The following IL1RAPL1 variants were observed in gnomAD, a reference collection of about 807,000 sequenced individuals.
IL1RAPL1 encodes the protein interleukin 1 receptor accessory protein like 1.
IL1RAPL1 carries 3 observed loss-of-function variants against 48.4 expected under a neutral mutation model. The observed-to-expected ratio is 0.06, with a 90% CI of 0.03 to 0.16. The LOEUF (loss-of-function observed/expected upper bound fraction) is 0.16. Ranked by LOEUF, IL1RAPL1 falls within the 10% of genes least tolerant of loss-of-function variation. The probability of loss-of-function intolerance (pLI) is 1.00; values close to 1 mark genes in which losing one functional copy is unlikely to be tolerated. For missense variants in IL1RAPL1, 349 were observed against 530.6 expected (o/e 0.66, Z 3.36); for synonymous variants, 185 against 187.7 (o/e 0.99, Z 0.12).
At chrX:29,267,648 T>TA (rs750569196) in intron 2 of IL1RAPL1, among the ~76,000 whole-genome samples, 17 of 108,622 alleles carry the variant, frequency 1.6e-4, no homozygotes, top group African/African-American at 2.3e-4. Flanking sequence ...AACACTGGAA[T>TA]AAAAAAAAAA....
intron 1 of IL1RAPL1, among the ~76,000 whole-genome samples, chrX:28,623,151 C>G (rs1934302270): frequency 9.1e-6 from 1 of 110,390 alleles, no homozygotes; most frequent in South Asian, 3.9e-4. Flanking sequence ...TGGGTTGTGG[C>G]ACTTATGCTA....
intron 3 of IL1RAPL1, among the ~76,000 whole-genome samples, chrX:29,387,881 T>TA (rs912522352): frequency 9.2e-6 from 1 of 108,730 alleles, no homozygotes; most frequent in African/African-American, 3.4e-5. Flanking sequence ...TAGTCCCAGC[T>TA]ACTTGGGAGG....
intron 3 of IL1RAPL1, among the ~76,000 whole-genome samples, chrX:29,295,035 C>T (rs1446008278): frequency 9.0e-6 from 1 of 110,913 alleles, no homozygotes; most frequent in African/African-American, 3.3e-5. Flanking sequence ...GGAGTGTTTA[C>T]AATAAATGAG....
intron 9 of IL1RAPL1, among the ~76,000 whole-genome samples, chrX:29,950,510 G>A (rs915854969): frequency 9.0e-6 from 1 of 110,872 alleles, no homozygotes; most frequent in Non-Finnish European, 1.9e-5. Flanking sequence ...ATCAGCAGCA[G>A]CATCTCTTGA....
At chrX:29,666,372 T>C (rs1317732682) in intron 5 of IL1RAPL1, among the ~76,000 whole-genome samples, 1 of 110,610 alleles carries the variant, frequency 9.0e-6, no homozygotes, top group African/African-American at 3.3e-5. Context: ...GGCAGGGAAC[T>C]GAGCCCAGTG....
chrX:28,997,859 A>T (rs1352831936), intron 2 of IL1RAPL1, among the ~76,000 whole-genome samples: 3 of 111,469 alleles, frequency 2.7e-5, no homozygotes, highest in Non-Finnish European at 5.6e-5. Context: ...TCACATATTC[A>T]CTTTTAAAGC....
At chrX:29,009,267 A>G (rs751903517) in intron 2 of IL1RAPL1, among the ~76,000 whole-genome samples, 4 of 111,733 alleles carry the variant, frequency 3.6e-5, no homozygotes, top group Non-Finnish European at 7.5e-5. Context: ...TACCTAGGTG[A>G]TAAAATCATT....
intron 2 of IL1RAPL1, among the ~76,000 whole-genome samples, chrX:29,215,100 C>A (rs1402331189): frequency 9.0e-6 from 1 of 111,353 alleles, no homozygotes; most frequent in Non-Finnish European, 1.9e-5. Context: ...GTAATCCCAG[C>A]ACTTCGGGAG....
chrX:29,378,258 C>T (rs1933649123), intron 3 of IL1RAPL1, among the ~76,000 whole-genome samples: 1 of 111,230 alleles, frequency 9.0e-6, no homozygotes, highest in South Asian at 3.7e-4. Context: ...ATTTATCTTT[C>T]AGTTCTTGCA....
At chrX:28,628,472 T>G (rs1420666056) in intron 1 of IL1RAPL1, among the ~76,000 whole-genome samples, 1 of 112,207 alleles carries the variant, frequency 8.9e-6, no homozygotes, top group Non-Finnish European at 1.9e-5. Context: ...GGAGCAGCTG[T>G]TTTGATATAC....
At chrX:28,821,134 A>C (rs1323804346) in intron 2 of IL1RAPL1, among the ~76,000 whole-genome samples, 1 of 111,882 alleles carries the variant, frequency 8.9e-6, no homozygotes, top group East Asian at 2.8e-4. Flanking sequence ...CAAATTTAGG[A>C]CAAATTGAAA....
intron 1 of IL1RAPL1, among the ~76,000 whole-genome samples, chrX:28,714,638 C>T (rs1184194319): frequency 8.9e-6 from 1 of 111,814 alleles, no homozygotes; most frequent in African/African-American, 3.2e-5. Context: ...AATAATCTTA[C>T]ATAAGGAAAG....
At chrX:28,791,134 C>G (rs1473597342) in intron 2 of IL1RAPL1, among the ~76,000 whole-genome samples, 1 of 109,413 alleles carries the variant, frequency 9.1e-6, no homozygotes, top group Non-Finnish European at 1.9e-5. Context: ...TATGTCAGAT[C>G]TATGATTTAT....
At chrX:29,197,506 T>C (rs1930467475) in intron 2 of IL1RAPL1, among the ~76,000 whole-genome samples, 1 of 111,757 alleles carries the variant, frequency 8.9e-6, no homozygotes, top group Non-Finnish European at 1.9e-5. Flanking sequence ...TTCTCTGCAT[T>C]CTCTATGCCT....
chrX:29,581,195 T>G (rs777056805), intron 5 of IL1RAPL1, among the ~76,000 whole-genome samples: 1 of 112,704 alleles, frequency 8.9e-6, no homozygotes, highest in East Asian at 2.8e-4. Flanking sequence ...TAAAATTGTT[T>G]TATAGCTTTT....
intron 2 of IL1RAPL1, among the ~76,000 whole-genome samples, chrX:28,796,290 A>G (rs1242351004): frequency 9.0e-6 from 1 of 111,655 alleles, no homozygotes; most frequent in African/African-American, 3.3e-5. Flanking sequence ...TCACATTTCA[A>G]AACCAGTCAT....
At chrX:28,922,496 A>G (rs899197836) in intron 2 of IL1RAPL1, among the ~76,000 whole-genome samples, 3 of 112,004 alleles carry the variant, frequency 2.7e-5, no homozygotes, top group African/African-American at 6.5e-5. Flanking sequence ...AGTTGTCACT[A>G]TTTTCAATAT....
chrX:28,846,390 C>T (rs926997189), intron 2 of IL1RAPL1, among the ~76,000 whole-genome samples: 13 of 111,802 alleles, frequency 1.2e-4, no homozygotes, highest in African/African-American at 3.2e-4. Context: ...TAAATATTCA[C>T]GGGCGGGTTT....
At chrX:29,915,714 CTTT>C (rs201364121) in intron 6 of IL1RAPL1, among the ~76,000 whole-genome samples, 5 of 54,301 alleles carry the variant, frequency 9.2e-5, no homozygotes, top group Admixed American at 2.2e-4. Context: ...TGGTAATATT[CTTT>C]TTTTTTTTTT....
Sources: allele counts gnomAD v4.1 joint callset (sites outside exome capture counted in the v4.1 genomes callset), GRCh38; gene constraint gnomAD v4.1.1; transcripts MANE v1.5; gene names NCBI Gene and HGNC (gene_info 2026-07-23, HGNC 2026-07-21).